The following PIEZO2 variants were observed in gnomAD, a reference collection of about 807,000 sequenced individuals.
The protein encoded by PIEZO2 is piezo-type mechanosensitive ion channel component 2.
PIEZO2 carries 172 observed loss-of-function variants against 337.3 expected under a neutral mutation model. That is an observed-to-expected ratio of 0.51 (90% confidence interval 0.45 to 0.58). The LOEUF is 0.58. Ranked by LOEUF, PIEZO2 falls within the 20% of genes least tolerant of loss-of-function variation. PIEZO2 has a pLI of 0.00. For missense variants in PIEZO2, 3,028 were observed against 3,391.3 expected (o/e 0.89, Z 2.66); for synonymous variants, 1,251 against 1,228.5 (o/e 1.02, Z -0.38).
Position 10,691,782 on chromosome 18 carries a change from C to CACACACACACACACATATAT in PIEZO2, c.7191-400_7191-399insATATATGTGTGTGTGTGTGT. Among the ~76,000 whole-genome samples the CACACACACACACACATATAT allele has an allele frequency of 2.9e-4, 28 of 96,610 alleles. 2 individuals carry two copies. Among genetic ancestry groups the CACACACACACACACATATAT allele is most frequent in the Admixed American group, 1.3e-3 (11 of 8,754 alleles). The allele number at this position is 96,610 out of a possible 152,430, so 63.4% of individuals were successfully genotyped here. A position where few individuals can be genotyped will look rare whatever the true frequency, so the allele number is the denominator to read the frequency against. On this transcript the variant is annotated intron_variant, in intron 47 of 55. Coordinates refer to ENST00000674853, the MANE Select transcript of PIEZO2 (RefSeq NM_001378183.1). ...AAATATATATAAACACACACACACA[C>CACACACACACACACATATAT]ATATATATATATATATATAGAGAGA...
At position 11,132,619 on chromosome 18, in the gene PIEZO2, T is replaced by C. The variant is rs901497797; in HGVS notation, c.64+15906A>G. Among the ~76,000 whole-genome samples the C allele has an allele frequency of 6.6e-6, 1 of 152,140 alleles. No homozygotes were observed. Reference sequence around the variant, plus strand: ...CACTAGCAAAATTTTTGCTTCCTGTTCCCGTGACATTACGTTCTGCTGGCC... The same window carrying C: ...CACTAGCAAAATTTTTGCTTCCTGTCCCCGTGACATTACGTTCTGCTGGCC... On this transcript the variant is annotated intron_variant, in intron 1 of 55. Coordinates refer to ENST00000674853, the MANE Select transcript of PIEZO2 (RefSeq NM_001378183.1). This position sits in a 1 kb window ranked among gnomAD's most constrained non-coding sequence, Gnocchi z 4.7.
chr18:10,752,306 G>T (rs774813466), intron 28 of PIEZO2, among the ~76,000 whole-genome samples: 7 of 152,058 alleles, frequency 4.6e-5, no homozygotes, highest in Non-Finnish European at 1.0e-4. Context: ...CTCTTAACAG[G>T]GCCACTTCAT....
chr18:10,754,692 G>C (rs1205175023), intron 27 of PIEZO2, among the ~76,000 whole-genome samples: 1 of 152,188 alleles, frequency 6.6e-6, no homozygotes, highest in East Asian at 1.9e-4. Flanking sequence ...TTAGATCAGT[G>C]CCTAGTCTGG....
intron 40 of PIEZO2, 42 bp downstream of exon 40, chr18:10,708,233 G>A (rs1484302256): frequency 6.6e-6 from 1 of 152,578 alleles, no homozygotes; most frequent in Admixed American, 6.5e-5. Flanking sequence ...GGGGGGAAGA[G>A]GTGATTAAAA....
At position 10,748,262 on chromosome 18, in the gene PIEZO2, T is replaced by C. The variant is rs531946891; in HGVS notation, c.4424+209A>G. ...CTCTGGCCTTCCATGGCACCCCCATTCCTTGAGAAGTCTGATGGTTACATA... is the reference window on the plus strand; with the variant it reads ...CTCTGGCCTTCCATGGCACCCCCATCCCTTGAGAAGTCTGATGGTTACATA... On this transcript the variant is annotated intron_variant, in intron 30 of 55. Coordinates refer to ENST00000674853, the MANE Select transcript of PIEZO2 (RefSeq NM_001378183.1). The surrounding 1 kb of genome is among the most constrained non-coding windows in gnomAD (Gnocchi z 5.1). Among the ~76,000 whole-genome samples the C allele has an allele frequency of 6.6e-6, 1 of 152,308 alleles. No individual in the cohort carries two copies. Among genetic ancestry groups the C allele is most frequent in the East Asian group, 1.9e-4 (1 of 5,188 alleles).
chr18:11,126,510 A>G lies in PIEZO2; in HGVS notation c.64+22015T>C, dbSNP rs1046037884. 8.6e-5 allele frequency among the ~76,000 whole-genome samples: 13 copies of G among 151,808 alleles called. No individual in the cohort carries two copies. The highest frequency in any genetic ancestry group is 3.1e-4 in the African/African-American group (13 of 41,310). ...GTCATCTCCCGCCATCATTCAAAAT[A>G]CTCCAAGGCCCACGTGATCTGATGA... On this transcript the variant is annotated intron_variant, in intron 1 of 55. Coordinates refer to ENST00000674853, the MANE Select transcript of PIEZO2 (RefSeq NM_001378183.1). The surrounding 1 kb of genome is among the most constrained non-coding windows in gnomAD (Gnocchi z 4.6).
intron 2 of PIEZO2, among the ~76,000 whole-genome samples, chr18:11,055,210 C>CAAAAAAA (rs11390110): frequency 2.5e-5 from 2 of 79,828 alleles, no homozygotes; most frequent in Admixed American, 1.6e-4. Context: ...GACTCTGTCT[C>CAAAAAAA]AAAAAAAAAA....
In PIEZO2 at chr18:10,862,492, C is replaced by CA. The variant is rs1712629026; in HGVS notation, c.493-5282_493-5281insT. Among the ~76,000 whole-genome samples the CA allele has an allele frequency of 1.3e-5, 2 of 152,170 alleles. No individual in the cohort carries two copies. Among genetic ancestry groups the CA allele is most frequent in the Non-Finnish European group, 2.9e-5 (2 of 68,036 alleles). ...AACATCCTCTCACCCTACAGCAGTA[C>CA]TGGTTCCATTAAGCCGTGGCATCCA... On this transcript the variant is annotated intron_variant, in intron 5 of 55. Coordinates refer to ENST00000674853, the MANE Select transcript of PIEZO2 (RefSeq NM_001378183.1). The surrounding 1 kb of genome is among the most constrained non-coding windows in gnomAD (Gnocchi z 4.4).
chr18:11,076,419 G>GA (rs1236249563), intron 1 of PIEZO2, among the ~76,000 whole-genome samples: 2 of 151,974 alleles, frequency 1.3e-5, no homozygotes, highest in African/African-American at 2.4e-5. Context: ...CCAATCTAAG[G>GA]AAAAAAATCC....
At position 11,028,767 on chromosome 18, in the gene PIEZO2, G is replaced by A. The variant is rs898942239; in HGVS notation, c.160+37360C>T. Reference sequence around the variant, plus strand: ...TCTGAATAATACATGGCCAGCCAGCGTTGGCCATGGTGCTGTGCAGCTCAT... The same window carrying A: ...TCTGAATAATACATGGCCAGCCAGCATTGGCCATGGTGCTGTGCAGCTCAT... On this transcript the variant is annotated intron_variant, in intron 2 of 55. Coordinates refer to ENST00000674853, the MANE Select transcript of PIEZO2 (RefSeq NM_001378183.1). The surrounding 1 kb of genome is among the most constrained non-coding windows in gnomAD (Gnocchi z 4.8). 1.4e-4 allele frequency among the ~76,000 whole-genome samples: 22 copies of A among 152,290 alleles called. 1 individual carries two copies. In the Middle Eastern group the frequency reaches 0.017, roughly 118 times the overall value.
At chr18:10,831,440 C>T (rs1049615635) in intron 7 of PIEZO2, among the ~76,000 whole-genome samples, 5 of 152,168 alleles carry the variant, frequency 3.3e-5, no homozygotes, top group Non-Finnish European at 5.9e-5. Flanking sequence ...ACACACTTTG[C>T]ATATTCTCAC....
chr18:11,056,225 C>T (rs774147823), intron 2 of PIEZO2, among the ~76,000 whole-genome samples: 3 of 152,100 alleles, frequency 2.0e-5, no homozygotes, highest in East Asian at 3.9e-4. Flanking sequence ...TGCCCCTGGC[C>T]GGGGAAGAGA....
intron 2 of PIEZO2, among the ~76,000 whole-genome samples, chr18:11,057,193 T>C (rs1456412332): frequency 6.6e-6 from 1 of 152,152 alleles, no homozygotes; most frequent in Non-Finnish European, 1.5e-5. Context: ...GCTGCCCCTT[T>C]GGCTCCCCCC....
chr18:10,780,401 T>C (rs1162749668), intron 17 of PIEZO2, 35 bp from the exon 18 acceptor site: 1 of 702,702 alleles, frequency 1.4e-6, no homozygotes, highest in Non-Finnish European at 2.6e-6. Flanking sequence ...AGGGATGCAA[T>C]GAGGAGACAG....
intron 3 of PIEZO2, among the ~76,000 whole-genome samples, chr18:10,977,180 T>C (rs941761783): frequency 7.2e-5 from 11 of 152,046 alleles, no homozygotes; most frequent in African/African-American, 2.7e-4. Context: ...AATCATCAAT[T>C]TGAACTAGAA....
chr18:10,729,153 T>C (rs2036664178), intron 36 of PIEZO2, among the ~76,000 whole-genome samples: 1 of 152,142 alleles, frequency 6.6e-6, no homozygotes, highest in Non-Finnish European at 1.5e-5. Context: ...AATTGTGTAT[T>C]AATTTTGTCT....
intron 49 of PIEZO2, among the ~76,000 whole-genome samples, chr18:10,685,373 A>T (rs2034503597): frequency 6.6e-6 from 1 of 152,244 alleles, no homozygotes; most frequent in Non-Finnish European, 1.5e-5. Context: ...TCAAAGGCTA[A>T]TATCCTGAAG....
intron 2 of PIEZO2, among the ~76,000 whole-genome samples, chr18:11,049,427 G>A (rs1031888069): frequency 4.6e-5 from 7 of 152,308 alleles, no homozygotes; most frequent in South Asian, 2.1e-4. Flanking sequence ...ACCAGGTAAC[G>A]TTTGTCAAAT....
Position 11,028,010 on chromosome 18 carries a change from C to T in PIEZO2, c.160+38117G>A, listed in dbSNP as rs12605320. On this transcript the variant is annotated intron_variant, in intron 2 of 55. Transcript: ENST00000674853. The surrounding 1 kb of genome is among the most constrained non-coding windows in gnomAD (Gnocchi z 4.8). The stretch of plus-strand genomic sequence containing the variant: ...GGAAGACCTGCTATTATGATTAGTG[C>T]AGGGTAACCTGCCAAGTGTCCCTGT... Among the ~76,000 whole-genome samples, 44,718 of 152,120 alleles carry T rather than the reference C, an allele frequency of 0.29. 7,824 individuals are homozygous for T. The highest frequency in any genetic ancestry group is 0.49 in the East Asian group (2,536 of 5,146).
Sources: allele counts gnomAD v4.1 joint callset (sites outside exome capture counted in the v4.1 genomes callset), GRCh38; gene constraint gnomAD v4.1.1; non-coding constraint Gnocchi (gnomAD v3.1); transcripts MANE v1.5; gene names NCBI Gene and HGNC (gene_info 2026-07-23, HGNC 2026-07-21).